Variants in ASPRV1 observed in about 807,000 individuals in gnomAD.
The protein encoded by ASPRV1 is retroviral-like aspartic protease 1.
Under a neutral mutation model 11.0 loss-of-function variants are expected in ASPRV1, and 7 were observed. That is an observed-to-expected ratio of 0.64 (90% CI 0.36 to 1.20). The LOEUF is 1.20. Ranked by LOEUF, ASPRV1 falls within the 50% of genes most tolerant of loss-of-function variation. ASPRV1 has a pLI of 0.02. For missense variants in ASPRV1, 299 were observed against 320.0 expected (o/e 0.93, Z 0.50); for synonymous variants, 136 against 138.4 (o/e 0.98, Z 0.12).
chr2:69,951,633 T>C, the ASPRV1 span, among the ~76,000 whole-genome samples: 1 of 151,292 alleles, frequency 6.6e-6, no homozygotes, highest in African/African-American at 2.4e-5. Flanking sequence ...CTGACCAACG[T>C]TTCTGCTTTT....
At chr2:70,038,423 A>G in the ASPRV1 span, among the ~76,000 whole-genome samples, 5 of 152,194 alleles carry the variant, frequency 3.3e-5, no homozygotes, top group Non-Finnish European at 5.9e-5. Context: ...AAAAGACAAA[A>G]AAAATAGTAG....
At chr2:69,997,006 A>G in the ASPRV1 span, 3 of 255,984 alleles carry the variant, frequency 1.2e-5, no homozygotes, top group African/African-American at 6.7e-5. Flanking sequence ...CTCTATTTCT[A>G]GGTAAGGCAG....
chr2:69,979,338 C>T, the ASPRV1 span, among the ~76,000 whole-genome samples: 3 of 152,132 alleles, frequency 2.0e-5, no homozygotes, highest in African/African-American at 4.8e-5. Context: ...CGGCCAGGGA[C>T]GTTTGAGTTT....
At chr2:70,064,540 C>T in the ASPRV1 span, among the ~76,000 whole-genome samples, 1 of 152,126 alleles carries the variant, frequency 6.6e-6, no homozygotes, top group Non-Finnish European at 1.5e-5. Context: ...GATATCCAGG[C>T]AGTGGCAGAG....
At chr2:69,941,231 T>C in the ASPRV1 span, 11 of 152,220 alleles carry the variant, frequency 7.2e-5, no homozygotes, top group African/African-American at 2.2e-4. Context: ...CTAATTTAAT[T>C]TCATGCAGTG....
chr2:70,055,895 T>C, the ASPRV1 span: 1 of 151,980 alleles, frequency 6.6e-6, no homozygotes, highest in East Asian at 1.9e-4. Context: ...CTGGGCAACA[T>C]AGCAAGACTC....
At chr2:69,991,861 A>G in the ASPRV1 span, among the ~76,000 whole-genome samples, 1 of 152,140 alleles carries the variant, frequency 6.6e-6, no homozygotes, top group Non-Finnish European at 1.5e-5. Flanking sequence ...AAAAAAGGAA[A>G]AGAGAAAAAA....
At chr2:69,935,328 C>T in the ASPRV1 span, 4 of 1,557,512 alleles carry the variant, frequency 2.6e-6, no homozygotes, top group Non-Finnish European at 3.5e-6. Context: ...CTCTCAAATG[C>T]TACTGTGGTC....
At chr2:70,012,849 T>C in the ASPRV1 span, among the ~76,000 whole-genome samples, 5 of 152,322 alleles carry the variant, frequency 3.3e-5, no homozygotes, top group African/African-American at 7.2e-5. Flanking sequence ...AAAAAATGAC[T>C]AACAAACTAT....
chr2:69,995,239 A>G, the ASPRV1 span: 2 of 150,440 alleles, frequency 1.3e-5, no homozygotes, highest in African/African-American at 4.9e-5. Flanking sequence ...CAAAAAAAAA[A>G]TTAGCCAGGC....
At chr2:70,011,222 G>A in the ASPRV1 span, among the ~76,000 whole-genome samples, 2 of 151,890 alleles carry the variant, frequency 1.3e-5, no homozygotes, top group Non-Finnish European at 2.9e-5. Flanking sequence ...TGTGACACGA[G>A]TTTAACTATA....
At chr2:70,055,908 T>C in the ASPRV1 span, 1 of 152,044 alleles carries the variant, frequency 6.6e-6, no homozygotes, top group Non-Finnish European at 1.5e-5. Flanking sequence ...CAAGACTCCG[T>C]CTCTACAAAA....
At chr2:70,003,684 A>G in the ASPRV1 span, among the ~76,000 whole-genome samples, 1 of 152,210 alleles carries the variant, frequency 6.6e-6, no homozygotes, top group Non-Finnish European at 1.5e-5. Flanking sequence ...GCCGGCCATG[A>G]CGGCTGCCAG....
the ASPRV1 span, among the ~76,000 whole-genome samples, chr2:69,992,821 C>T: frequency 6.6e-6 from 1 of 152,152 alleles, no homozygotes; most frequent in Non-Finnish European, 1.5e-5. Context: ...ATTAGATTTG[C>T]AAAATGTCAA....
At chr2:70,071,418 T>C in the ASPRV1 span, among the ~76,000 whole-genome samples, 2 of 152,210 alleles carry the variant, frequency 1.3e-5, no homozygotes, top group African/African-American at 4.8e-5. Flanking sequence ...GAAGATGTAT[T>C]ACATTTATTC....
the ASPRV1 span, among the ~76,000 whole-genome samples, chr2:70,047,411 A>G: frequency 3.3e-5 from 5 of 152,198 alleles, no homozygotes; most frequent in Non-Finnish European, 5.9e-5. Flanking sequence ...GAATTCATCA[A>G]TGTAAGTGCC....
chr2:70,000,911 A>C, the ASPRV1 span, among the ~76,000 whole-genome samples: 2 of 152,092 alleles, frequency 1.3e-5, no homozygotes, highest in African/African-American at 4.8e-5. Flanking sequence ...AGTCCAAGTA[A>C]TAAAAAGAGA....
the ASPRV1 span, among the ~76,000 whole-genome samples, chr2:69,946,948 C>T: frequency 6.6e-6 from 1 of 152,192 alleles, no homozygotes; most frequent in South Asian, 2.1e-4. Flanking sequence ...GAGAGAGAGA[C>T]AGAGGGAAGC....
At chr2:69,997,780 A>T in the ASPRV1 span, 1 of 152,224 alleles carries the variant, frequency 6.6e-6, no homozygotes, top group Non-Finnish European at 1.5e-5. Flanking sequence ...CGGGTCAAGC[A>T]TGTGTATTTT....
Sources: allele counts gnomAD v4.1 joint callset (sites outside exome capture counted in the v4.1 genomes callset), GRCh38; gene constraint gnomAD v4.1.1; transcripts MANE v1.5; gene names NCBI Gene and HGNC (gene_info 2026-07-23, HGNC 2026-07-21).